CACNA2D3: variants seen among roughly 807,000 people sequenced by gnomAD.
CACNA2D3 encodes voltage-dependent calcium channel subunit alpha-2/delta-3.
In CACNA2D3, 60 loss-of-function variants were observed where a neutral mutation model predicts 160.6. The observed-to-expected ratio is 0.37, with a 90% CI of 0.30 to 0.46. The LOEUF (loss-of-function observed/expected upper bound fraction) is 0.46, where lower values mean the gene tolerates loss of function less well. CACNA2D3 is among the 20% of genes least tolerant of loss of function. CACNA2D3 has a pLI of 1.00. For missense variants in CACNA2D3, 1,205 were observed against 1,365.0 expected, an observed-to-expected ratio of 0.88 and a Z score of 1.85; for synonymous variants, 558 against 492.9, an observed-to-expected ratio of 1.13 and a Z score of -1.75.
At chr3:54,821,661 T>G (rs989748485) in intron 14 of CACNA2D3, among the ~76,000 whole-genome samples, 3 of 104,836 alleles carry the variant, frequency 2.9e-5, no homozygotes, top group South Asian at 3.4e-4. Context: ...TCTTTCTTTC[T>G]TTCTTTCTTT....
chr3:54,407,412 A>C (rs1699596163), intron 4 of CACNA2D3, among the ~76,000 whole-genome samples: 1 of 152,198 alleles, frequency 6.6e-6, no homozygotes, highest in Non-Finnish European at 1.5e-5. Flanking sequence ...TTGTTTTTTA[A>C]TGTGTATCAG....
chr3:54,462,285 T>C (rs1700520966), intron 4 of CACNA2D3, among the ~76,000 whole-genome samples: 1 of 152,222 alleles, frequency 6.6e-6, no homozygotes, highest in Admixed American at 6.5e-5. Flanking sequence ...TGTAGATGTC[T>C]ATTAGGTCCA....
intron 4 of CACNA2D3, among the ~76,000 whole-genome samples, chr3:54,424,064 G>A (rs952012921): frequency 1.3e-5 from 2 of 151,978 alleles, no homozygotes; most frequent in Non-Finnish European, 2.9e-5. Flanking sequence ...AATGTTTTCC[G>A]GGTTTTTGTT....
intron 17 of CACNA2D3, among the ~76,000 whole-genome samples, chr3:54,858,889 T>C (rs1333087257): frequency 6.6e-6 from 1 of 152,166 alleles, no homozygotes; most frequent in Non-Finnish European, 1.5e-5. Flanking sequence ...GAGTTTACAT[T>C]TTAGAAAGAC....
At chr3:54,745,141 G>A (rs1701730499) in intron 11 of CACNA2D3, among the ~76,000 whole-genome samples, 1 of 152,186 alleles carries the variant, frequency 6.6e-6, no homozygotes, top group Non-Finnish European at 1.5e-5. Context: ...ACAGGGAAGT[G>A]CCAAGGCAAG....
intron 2 of CACNA2D3, among the ~76,000 whole-genome samples, chr3:54,272,051 G>A (rs1002426448): frequency 3.3e-5 from 5 of 152,168 alleles, no homozygotes; most frequent in African/African-American, 1.2e-4. Flanking sequence ...GGGAAGAGAG[G>A]ACTGGAAGTT....
At chr3:54,789,762 T>G (rs2106643369) in intron 13 of CACNA2D3, 6 of 468,114 alleles carry the variant, frequency 1.3e-5, no homozygotes, top group South Asian at 9.2e-5. Flanking sequence ...AAACCAAAAT[T>G]TAGATTTTGG....
At chr3:54,672,707 AT>A (rs1477011395) in intron 11 of CACNA2D3, among the ~76,000 whole-genome samples, 1 of 152,206 alleles carries the variant, frequency 6.6e-6, no homozygotes, top group African/African-American at 2.4e-5. Flanking sequence ...GCACTTTCAA[AT>A]TAGGTGACCT....
intron 13 of CACNA2D3, among the ~76,000 whole-genome samples, chr3:54,783,825 C>T (rs1702579220): frequency 6.6e-6 from 1 of 152,026 alleles, no homozygotes; most frequent in Non-Finnish European, 1.5e-5. Context: ...CCACAGCATT[C>T]CTAGGTTTAA....
At chr3:54,993,885 AGTGT>A (rs34012508) in intron 31 of CACNA2D3, among the ~76,000 whole-genome samples, 4,714 of 111,438 alleles carry the variant, frequency 0.042, 269 homozygotes, top group African/African-American at 0.13. Flanking sequence ...TGCAACTGCT[AGTGT>A]GTGTGTGTGT....
chr3:54,386,808 T>A (rs1238735358), intron 4 of CACNA2D3, 34 bp downstream of exon 4: 1 of 1,548,458 alleles, frequency 6.5e-7, no homozygotes, highest in South Asian at 1.2e-5. Context: ...AATTGTTTTG[T>A]GTGTTTCCTG....
chr3:54,611,033 T>G (rs1194251588), intron 9 of CACNA2D3, among the ~76,000 whole-genome samples: 2 of 152,196 alleles, frequency 1.3e-5, no homozygotes, highest in Non-Finnish European at 2.9e-5. Flanking sequence ...TGTCCCAGTC[T>G]TATCCCAGAA....
intron 9 of CACNA2D3, chr3:54,626,710 G>GAAAAAAAAA: frequency 1.6e-6 from 1 of 633,412 alleles, no homozygotes; most frequent in African/African-American, 2.8e-5. Flanking sequence ...AAAAAAAAAA[G>GAAAAAAAAA]AAAGAAAAAG....
intron 21 of CACNA2D3, among the ~76,000 whole-genome samples, chr3:54,884,895 A>G (rs1273658126): frequency 2.0e-5 from 3 of 152,220 alleles, no homozygotes; most frequent in African/African-American, 7.2e-5. Flanking sequence ...ACCTGTTGAC[A>G]TCACACAGGA....
Position 54,505,840 on chromosome 3 carries a change from G to A in CACNA2D3, c.544+2186G>A, listed in dbSNP as rs116178301. Among the ~76,000 whole-genome samples, 1,188 of 152,198 alleles carry A rather than the reference G, an allele frequency of 7.8e-3. 19 individuals carry two copies. The highest frequency in any genetic ancestry group is 0.027 in the African/African-American group (1,124 of 41,530). ...CCTTTTAATGGTAGTAACACGTAAG[G>A]GACCCACACCACCACTGATCACCCA... On this transcript the variant is annotated intron_variant, in intron 5 of 37. Transcript: ENST00000474759.
At chr3:54,850,583 A>G (rs1033823897) in intron 17 of CACNA2D3, among the ~76,000 whole-genome samples, 3 of 152,070 alleles carry the variant, frequency 2.0e-5, no homozygotes, top group Non-Finnish European at 4.4e-5. Context: ...ATCTGTCCCT[A>G]CCTTTTAGAA....
intron 2 of CACNA2D3, among the ~76,000 whole-genome samples, chr3:54,215,884 CT>C (rs139192590): frequency 2.7e-5 from 4 of 149,242 alleles, no homozygotes; most frequent in South Asian, 4.2e-4. Flanking sequence ...CTTTTCTTTT[CT>C]TTTTTTTTTC....
At chr3:55,027,542 T>A (rs1703588557) in intron 35 of CACNA2D3, among the ~76,000 whole-genome samples, 1 of 152,208 alleles carries the variant, frequency 6.6e-6, no homozygotes, top group Non-Finnish European at 1.5e-5. Flanking sequence ...TACATCTAAT[T>A]CGCATACAAA....
intron 5 of CACNA2D3, among the ~76,000 whole-genome samples, chr3:54,524,797 A>G (rs1010907178): frequency 6.6e-6 from 1 of 152,034 alleles, no homozygotes. Flanking sequence ...ATATTATTCT[A>G]ACCATTCCAG....
Sources: gnomAD v4.1 joint callset for allele counts (sites outside exome capture counted in the v4.1 genomes callset) on GRCh38, gnomAD v4.1.1 for gene constraint, MANE v1.5 for transcripts, NCBI Gene and HGNC (gene_info 2026-07-23, HGNC 2026-07-21) for gene names.